Variants in CNOT6L observed in about 807,000 individuals in gnomAD.
CNOT6L encodes CCR4-NOT transcription complex subunit 6-like.
A neutral mutation model predicts 64.0 loss-of-function variants in CNOT6L; 7 were observed. That is an observed-to-expected ratio of 0.11 (90% CI 0.06 to 0.21). CNOT6L has a LOEUF of 0.21. CNOT6L is among the 10% of genes least tolerant of loss of function. CNOT6L has a pLI of 1.00. For synonymous variants in CNOT6L, 193 were observed against 243.4 expected (o/e 0.79, Z 1.93); for missense variants, 245 against 669.0 (o/e 0.37, Z 6.99).
chr4:77,739,951 C>A (rs1227969852), intron 8 of CNOT6L, among the ~76,000 whole-genome samples: 1 of 151,998 alleles, frequency 6.6e-6, no homozygotes, highest in Non-Finnish European at 1.5e-5. Flanking sequence ...TAATAAAAAT[C>A]TTCCATATTA....
At chr4:77,806,847 G>A (rs1347154632) in intron 1 of CNOT6L, among the ~76,000 whole-genome samples, 1 of 151,998 alleles carries the variant, frequency 6.6e-6, no homozygotes, top group Non-Finnish European at 1.5e-5. Context: ...CCTGAACCTG[G>A]ACTCATTTTT....
In CNOT6L at chr4:77,748,396, T is replaced by G; in HGVS notation, c.491-12A>C. The G allele has an allele frequency of 6.3e-7, 1 of 1,586,766 alleles. No homozygotes were observed. Reference sequence around the variant, plus strand: ...CTGCTCTGGATGAACTGAAAAAAATTTTGTAAATATAGGTTAATTTCATGT... The same window carrying G: ...CTGCTCTGGATGAACTGAAAAAAATGTTGTAAATATAGGTTAATTTCATGT... On this transcript the variant is annotated splice_polypyrimidine_tract_variant and intron_variant, in intron 5 of 11. Coordinates refer to ENST00000504123, the MANE Select transcript of CNOT6L (RefSeq NM_144571.3).
chr4:77,745,166 T>C (rs1444923236), intron 6 of CNOT6L, among the ~76,000 whole-genome samples: 1 of 152,222 alleles, frequency 6.6e-6, no homozygotes, highest in Non-Finnish European at 1.5e-5. Flanking sequence ...TTTTTGCTTA[T>C]AACTTTGAGA....
intron 1 of CNOT6L, among the ~76,000 whole-genome samples, chr4:77,806,073 T>G (rs556501236): frequency 6.6e-6 from 1 of 152,194 alleles, no homozygotes; most frequent in African/African-American, 2.4e-5. Flanking sequence ...AAAGGCCTCC[T>G]TCTTCCCAGT....
At chr4:77,778,783 G>A (rs1209437437) in intron 1 of CNOT6L, among the ~76,000 whole-genome samples, 13 of 151,510 alleles carry the variant, frequency 8.6e-5, no homozygotes, top group Admixed American at 8.5e-4. Context: ...GGTGGCTCAC[G>A]CATGTAATCC....
In CNOT6L at chr4:77,728,914, C is replaced by G. The variant is rs760470375; in HGVS notation, c.1192G>C (p.Ala398Pro). The G allele has an allele frequency of 1.2e-5, 19 of 1,613,650 alleles. No homozygotes were observed. Among genetic ancestry groups the G allele is most frequent in the Middle Eastern group, 1.6e-4 (1 of 6,078 alleles). The change falls in exon 10 of 12, where the codon GCA becomes CCA. Residue 398 changes from alanine (A) to proline (P), a missense_variant. Transcript: ENST00000504123. ...ACCAGCGGGATGGAATTAGGATCTG[C>G]AGTTGGGCTTCCAGGCCTACTAGAG... ...KASSRPGSPT[A>P]DPNSIPLVLC... is the part of the protein sequence containing the mutation.
chr4:77,773,869 T>C (rs1482265029), intron 3 of CNOT6L, among the ~76,000 whole-genome samples: 4 of 152,144 alleles, frequency 2.6e-5, no homozygotes, highest in Non-Finnish European at 5.9e-5. Context: ...TTGTGAAATT[T>C]TGAGCAGCCT....
rs1727970893 is a variant in CNOT6L at position 77,774,761 on chromosome 4, A to G, written c.128-45T>C. ...AGTGTAAAAAAAAACCCCAGGCCCA[A>G]GATGACACCTAAACTACAACGACTG... On this transcript the variant is annotated intron_variant, in intron 2 of 11. Transcript: ENST00000504123. The G allele has an allele frequency of 2.3e-6, 3 of 1,289,118 alleles. No individual in the cohort carries two copies. The African/African-American group carries it at 4.6e-5, about 20-fold the overall frequency. The allele number at this position is 1,289,118 out of a possible 1,614,324, so 79.9% of individuals were successfully genotyped here.
intron 6 of CNOT6L, among the ~76,000 whole-genome samples, chr4:77,747,293 A>T (rs1158664278): frequency 6.6e-6 from 1 of 152,096 alleles, no homozygotes; most frequent in Non-Finnish European, 1.5e-5. Context: ...CAGCCTCCTA[A>T]GTAGCTGGGA....
At position 77,728,845 on chromosome 4, in the gene CNOT6L, T is replaced by C; in HGVS notation, c.1252+9A>G. On this transcript the variant is annotated intron_variant, in intron 10 of 11. Transcript: ENST00000504123. ...ATTGAAAGCAGTGAGGAAATGATATTATAAATACCTGAATCTGGCAATGAG... is the reference window on the plus strand; with the variant it reads ...ATTGAAAGCAGTGAGGAAATGATATCATAAATACCTGAATCTGGCAATGAG... The C allele has an allele frequency of 6.2e-7, 1 of 1,608,444 alleles. No homozygotes were observed. The highest frequency in any genetic ancestry group is 8.5e-7 in the Non-Finnish European group (1 of 1,174,938).
At chr4:77,819,408 G>C, upstream of CNOT6L, 3 of 1,602,670 alleles carry the variant, frequency 1.9e-6, no homozygotes, top group Non-Finnish European at 2.5e-6. Flanking sequence ...CCCCACAGAT[G>C]CTTCCCCTCC....
At position 77,737,680 on chromosome 4, in the gene CNOT6L, A is replaced by C. The variant is rs533810810; in HGVS notation, c.872+4461T>G. On this transcript the variant is annotated intron_variant, in intron 8 of 11. Transcript: ENST00000504123. Reference sequence around the variant, plus strand: ...TGATCTACCCGCCTCAGACTCCCAAAGTGCTGCCATTATAGGGGTGAAACA... The same window carrying C: ...TGATCTACCCGCCTCAGACTCCCAACGTGCTGCCATTATAGGGGTGAAACA... Among the ~76,000 whole-genome samples the C allele has an allele frequency of 7.9e-5, 12 of 152,140 alleles. No homozygotes were observed. The East Asian group carries it at 2.3e-3, about 29-fold the overall frequency.
intron 9 of CNOT6L, among the ~76,000 whole-genome samples, 173 bp downstream of exon 9, chr4:77,731,214 C>G (rs989218039): frequency 2.6e-5 from 4 of 152,080 alleles, no homozygotes; most frequent in Non-Finnish European, 5.9e-5. Context: ...AATATCCCAA[C>G]AAATATATGA....
chr4:77,759,280 T>C (rs972955561), intron 4 of CNOT6L, among the ~76,000 whole-genome samples: 10 of 150,484 alleles, frequency 6.6e-5, no homozygotes, highest in East Asian at 2.0e-4. Context: ...ACGAGATGGG[T>C]TGTGGCTGGG....
intron 4 of CNOT6L, among the ~76,000 whole-genome samples, chr4:77,759,303 C>T (rs934293915): frequency 4.6e-5 from 7 of 151,570 alleles, no homozygotes; most frequent in African/African-American, 1.2e-4. Flanking sequence ...CGGTGGCTCA[C>T]GCCTGTAATC....
At position 77,714,300 on chromosome 4, in the gene CNOT6L, T is replaced by TA. The variant is rs1720494883; in HGVS notation, c.*6130dup. ...CAAAACGATAAATTGAGTGGAAAAGTAGATTGTCCCATGGACAATTAGTTG... is the reference window on the plus strand; with the variant it reads ...CAAAACGATAAATTGAGTGGAAAAGTAAGATTGTCCCATGGACAATTAGTTG... On this transcript the variant is annotated 3_prime_UTR_variant, in exon 12 of 12. Coordinates refer to ENST00000504123, the MANE Select transcript of CNOT6L (RefSeq NM_144571.3). 1 of 152,338 alleles carries TA rather than the reference T, an allele frequency of 6.6e-6. No homozygotes were observed. The highest frequency in any genetic ancestry group is 6.6e-5 in the Admixed American group (1 of 15,246). 9.4% of individuals were successfully genotyped at this position (152,338 alleles called of 1,614,324 possible).
rs1458429670 is a variant in CNOT6L at position 77,716,734 on chromosome 4, A to C, written c.*3697T>G. Reference sequence around the variant, plus strand: ...TTTAATATATAACTTTAAGACACCAAAAAAATAGGGGCAAATAAGAAACAG... The same window carrying C: ...TTTAATATATAACTTTAAGACACCACAAAAATAGGGGCAAATAAGAAACAG... On this transcript the variant is annotated 3_prime_UTR_variant, in exon 12 of 12. Coordinates refer to ENST00000504123, the MANE Select transcript of CNOT6L (RefSeq NM_144571.3). 6.6e-6 allele frequency: 1 copy of C among 152,512 alleles called. No homozygotes were observed. The allele number at this position is 152,512 out of a possible 1,614,324, so 9.4% of individuals were successfully genotyped here. A position where few individuals can be genotyped will look rare whatever the true frequency, so the allele number is the denominator to read the frequency against.
rs750163378 is a variant in CNOT6L at position 77,728,905 on chromosome 4, T to G, written c.1201A>C (p.Asn401His). 7.4e-6 allele frequency: 12 copies of G among 1,613,720 alleles called. No individual in the cohort carries two copies. The South Asian group carries it at 1.3e-4, about 18-fold the overall frequency. ...GCACATAGCACCAGCGGGATGGAAT[T>G]AGGATCTGCAGTTGGGCTTCCAGGC... is the stretch of plus-strand genomic sequence containing the variant. ...SRPGSPTADP[N>H]SIPLVLCADL... The change falls in exon 10 of 12, where the codon AAT becomes CAT. Residue 401 changes from asparagine (N) to histidine (H), a missense_variant. Coordinates refer to ENST00000504123, the MANE Select transcript of CNOT6L (RefSeq NM_144571.3).
rs200614151 is a variant in CNOT6L, at chr4:77,819,330, C to G, written c.-22G>C. ...TCATTCTCTTCCTCTGGCCCAGAAG[C>G]AACAGCAGCCATTTCCCCGCGGCAG... On this transcript the variant is annotated 5_prime_UTR_variant, in exon 1 of 12. Transcript: ENST00000504123. 1.4e-3 allele frequency: 2,186 copies of G among 1,613,454 alleles called. 5 individuals carry two copies. The highest frequency in any genetic ancestry group is 1.7e-3 in the Non-Finnish European group (2,008 of 1,179,652).
Sources: gnomAD v4.1 joint callset for allele counts (sites outside exome capture counted in the v4.1 genomes callset) on GRCh38, gnomAD v4.1.1 for gene constraint, MANE v1.5 for transcripts, NCBI Gene and HGNC (gene_info 2026-07-23, HGNC 2026-07-21) for gene names.